Variants in PCDHGA10 observed in about 807,000 individuals in gnomAD.
PCDHGA10 encodes the protein protocadherin gamma subfamily A, 10.
PCDHGA10 carries 42 observed loss-of-function variants against 59.5 expected under a neutral mutation model. That is an observed-to-expected ratio of 0.71 (90% CI 0.55 to 0.91). PCDHGA10 has a LOEUF of 0.91. Ranked by LOEUF, PCDHGA10 falls within the 40% of genes least tolerant of loss-of-function variation. PCDHGA10 has a pLI of 0.00. For missense variants in PCDHGA10, 1,111 were observed against 1,198.2 expected, an observed-to-expected ratio of 0.93 and a Z score of 1.07; for synonymous variants, 511 against 517.2, an observed-to-expected ratio of 0.99 and a Z score of 0.16.
Position 141,487,522 on chromosome 5 carries a change from T to G in PCDHGA10, c.2437-7285T>G, listed in dbSNP as rs764726787. Reference sequence around the variant, plus strand: ...TGGCTTCTGCACCCACTCGGAGTGATAGCTTCATGATGGTGAAGTCACCCA... The same window carrying G: ...TGGCTTCTGCACCCACTCGGAGTGAGAGCTTCATGATGGTGAAGTCACCCA... On this transcript the variant is annotated intron_variant, in intron 1 of 3. Transcript: ENST00000398610. This position sits in a 1 kb window ranked among gnomAD's most constrained non-coding sequence, Gnocchi z 5.0. The G allele has an allele frequency of 6.2e-7, 1 of 1,614,166 alleles. No individual in the cohort carries two copies. The highest frequency in any genetic ancestry group is 8.5e-7 in the Non-Finnish European group (1 of 1,180,022).
In PCDHGA10 at chr5:141,486,708, C is replaced by A; in HGVS notation, c.2437-8099C>A. On this transcript the variant is annotated intron_variant, in intron 1 of 3. Transcript: ENST00000398610. The surrounding 1 kb of genome is among the most constrained non-coding windows in gnomAD (Gnocchi z 5.0). ...GCTTCCTCTTTCATCTCTCTGAACC[C>A]CCAGACAGGAGCTGTTCATGCTACT... is the stretch of plus-strand genomic sequence containing the variant. 6.2e-7 allele frequency: 1 copy of A among 1,614,180 alleles called. No individual in the cohort carries two copies. Among genetic ancestry groups the A allele is most frequent in the South Asian group, 1.1e-5 (1 of 91,084 alleles).
intron 3 of PCDHGA10, 62 bp downstream of exon 3, chr5:141,505,543 C>T: frequency 6.2e-7 from 1 of 1,609,636 alleles, no homozygotes; most frequent in Non-Finnish European, 8.5e-7. Flanking sequence ...GTGCATCTCA[C>T]AGCCACCATG....
At chr5:141,418,851 G>A (rs778281594) in intron 1 of PCDHGA10, 9 of 1,613,906 alleles carry the variant, frequency 5.6e-6, no homozygotes, top group South Asian at 2.2e-5. Context: ...TCAACACGGT[G>A]TAAAGTAATT....
intron 1 of PCDHGA10, among the ~76,000 whole-genome samples, chr5:141,488,613 A>C (rs1214413025): frequency 1.3e-5 from 2 of 152,158 alleles, no homozygotes; most frequent in Non-Finnish European, 2.9e-5. Flanking sequence ...GTTCTTACTA[A>C]TCTTTTCTCT....
intron 1 of PCDHGA10, among the ~76,000 whole-genome samples, chr5:141,466,570 T>C (rs967163331): frequency 6.6e-6 from 1 of 152,202 alleles, no homozygotes; most frequent in East Asian, 1.9e-4. Flanking sequence ...TCTTCAACAT[T>C]GTCTCATCCC....
At chr5:141,424,171 C>A in intron 1 of PCDHGA10, 1 of 226,338 alleles carries the variant, frequency 4.4e-6, no homozygotes, top group Non-Finnish European at 8.0e-6. Flanking sequence ...ATCTATCTAT[C>A]TATACACATG....
At chr5:141,498,194 T>C (rs1014641829) in intron 2 of PCDHGA10, among the ~76,000 whole-genome samples, 16 of 152,254 alleles carry the variant, frequency 1.1e-4, no homozygotes, top group African/African-American at 3.6e-4. Context: ...ATTAACCAGC[T>C]AAAGAAAAGA....
intron 1 of PCDHGA10, among the ~76,000 whole-genome samples, chr5:141,452,353 AG>A (rs556616398): frequency 5.9e-5 from 9 of 152,206 alleles, no homozygotes; most frequent in Non-Finnish European, 1.3e-4. Context: ...TTTATCCAAA[AG>A]CCTTGCTTCA....
At position 141,485,133 on chromosome 5, in the gene PCDHGA10, C is replaced by A; in HGVS notation, c.2437-9674C>A. On this transcript the variant is annotated intron_variant, in intron 1 of 3. Transcript: ENST00000398610. The surrounding 1 kb of genome is among the most constrained non-coding windows in gnomAD (Gnocchi z 5.7). Reference sequence around the variant, plus strand: ...GCTGTTTGGGGCGGGTCGGCTTCATCCGCGTCTCAGGAGCAAGTAGAGAAT... The same window carrying A: ...GCTGTTTGGGGCGGGTCGGCTTCATACGCGTCTCAGGAGCAAGTAGAGAAT... The A allele has an allele frequency of 2.7e-6, 4 of 1,492,492 alleles. No homozygotes were observed. The highest frequency in any genetic ancestry group is 1.7e-5 in the Admixed American group (1 of 58,334). The allele number at this position is 1,492,492 out of a possible 1,614,324, so 92.5% of individuals were successfully genotyped here.
At chr5:141,484,958 G>T in intron 1 of PCDHGA10, 1 of 575,874 alleles carries the variant, frequency 1.7e-6, no homozygotes. Flanking sequence ...TATTGGCTGA[G>T]CCCGGGAGCC....
chr5:141,427,956 C>T, intron 1 of PCDHGA10: 1 of 1,587,304 alleles, frequency 6.3e-7, no homozygotes, highest in African/African-American at 1.3e-5. Context: ...TGACAATGTG[C>T]CGCGGGTGCT....
chr5:141,446,757 G>A (rs769049265), intron 1 of PCDHGA10, among the ~76,000 whole-genome samples: 10 of 152,158 alleles, frequency 6.6e-5, no homozygotes, highest in African/African-American at 1.4e-4. Context: ...GTGAGCCACC[G>A]CGCCCAGCCG....
At chr5:141,501,329 ACACACC>A (rs1456568693) in intron 2 of PCDHGA10, among the ~76,000 whole-genome samples, 16 of 148,226 alleles carry the variant, frequency 1.1e-4, no homozygotes, top group Non-Finnish European at 2.2e-4. Context: ...ACACACACAC[ACACACC>A]CCAAACTCAA....
At position 141,489,888 on chromosome 5, in the gene PCDHGA10, T is replaced by TG. The variant is rs759744295; in HGVS notation, c.2437-4913dup. On this transcript the variant is annotated intron_variant, in intron 1 of 3. Coordinates refer to ENST00000398610, the MANE Select transcript of PCDHGA10 (RefSeq NM_018913.3). The surrounding 1 kb of genome is among the most constrained non-coding windows in gnomAD (Gnocchi z 4.5). ...ATCAGCTGGTGCTTACTGCTGTGGATGGGGGGACCCCAGCCCGCTCAGGGA... is the reference window on the plus strand; with the variant it reads ...ATCAGCTGGTGCTTACTGCTGTGGATGGGGGGGACCCCAGCCCGCTCAGGGA... 6.4e-5 allele frequency: 103 copies of TG among 1,614,088 alleles called. No individual in the cohort carries two copies. Among genetic ancestry groups the TG allele is most frequent in the Non-Finnish European group, 8.6e-5 (101 of 1,180,048 alleles).
chr5:141,505,614 A>G (rs2154593732), intron 3 of PCDHGA10, 133 bp downstream of exon 3: 1 of 1,510,758 alleles, frequency 6.6e-7, no homozygotes, highest in Non-Finnish European at 8.9e-7. Context: ...GTCTGAAAGG[A>G]CCCACAATTC....
intron 2 of PCDHGA10, among the ~76,000 whole-genome samples, chr5:141,496,008 C>CT (rs1468405718): frequency 2.0e-5 from 3 of 151,956 alleles, no homozygotes; most frequent in Non-Finnish European, 4.4e-5. Flanking sequence ...TTTATCTTGT[C>CT]TTTTTTCTCT....
chr5:141,478,142 G>T (rs774271595), intron 1 of PCDHGA10: 8 of 1,613,988 alleles, frequency 5.0e-6, no homozygotes, highest in Non-Finnish European at 6.8e-6. Flanking sequence ...AGCCCGAGCC[G>T]AGTTCCCCTC....
Position 141,476,642 on chromosome 5 carries a change from C to G in PCDHGA10, c.2437-18165C>G. 6.2e-7 allele frequency: 1 copy of G among 1,614,240 alleles called. No homozygotes were observed. The highest frequency in any genetic ancestry group is 8.5e-7 in the Non-Finnish European group (1 of 1,180,050). ...CTCTTTACAAACCTATGAGCTGAGC[C>G]GAAATGAATACTTTGCGCTTCGCGT... On this transcript the variant is annotated intron_variant, in intron 1 of 3. Transcript: ENST00000398610. This position sits in a 1 kb window ranked among gnomAD's most constrained non-coding sequence, Gnocchi z 7.6.
chr5:141,438,615 TATATATATATATATATATATAC>T (rs1275224820), intron 1 of PCDHGA10, among the ~76,000 whole-genome samples: 95 of 35,914 alleles, frequency 2.6e-3, no homozygotes, highest in East Asian at 8.4e-3. Flanking sequence ...TATATATATA[TATATATATATATATATATATAC>T]ACACACACAC....
Sources: gnomAD v4.1 joint callset for allele counts (sites outside exome capture counted in the v4.1 genomes callset) on GRCh38, gnomAD v4.1.1 for gene constraint, Gnocchi (gnomAD v3.1) non-coding constraint, MANE v1.5 for transcripts, NCBI Gene and HGNC (gene_info 2026-07-23, HGNC 2026-07-21) for gene names.